The following ABI3BP variants were observed in gnomAD, a reference collection of about 807,000 sequenced individuals.
ABI3BP encodes the protein ABI family member 3 binding protein, also known as target of Nesh-SH3.
A neutral mutation model predicts 268.6 loss-of-function variants in ABI3BP; 216 were observed. That is an observed-to-expected ratio of 0.80 (90% CI 0.72 to 0.90). ABI3BP has a LOEUF of 0.90. Among genes scored for constraint, ABI3BP ranks in the 40% least tolerant of loss-of-function variants. The probability of loss-of-function intolerance (pLI) is 0.00; values close to 1 mark genes in which losing one functional copy is unlikely to be tolerated. For synonymous variants in ABI3BP, 730 were observed against 730.0 expected, an observed-to-expected ratio of 1.00 and a Z score of 0.00; for missense variants, 2,090 against 2,182.4, an observed-to-expected ratio of 0.96 and a Z score of 0.84.
chr3:100,778,489 A>G, intron 58 of ABI3BP, 113 bp from the exon 59 acceptor site: 1 of 854,366 alleles, frequency 1.2e-6, no homozygotes, highest in African/African-American at 1.7e-5. Flanking sequence ...TAGCAGTTGG[A>G]TGACAGAGAA....
At chr3:100,882,590 G>C (rs988240446) in intron 6 of ABI3BP, among the ~76,000 whole-genome samples, 61 of 151,962 alleles carry the variant, frequency 4.0e-4, no homozygotes, top group African/African-American at 9.7e-4. Flanking sequence ...CTGGAGTCAG[G>C]ATACTCCACC....
chr3:100,879,298 T>G (rs1227781944), intron 6 of ABI3BP, among the ~76,000 whole-genome samples: 1 of 152,208 alleles, frequency 6.6e-6, no homozygotes, highest in Non-Finnish European at 1.5e-5. Flanking sequence ...GAGAGCCACA[T>G]TATTTTTCTA....
rs182969842 is a variant in ABI3BP, at chr3:100,758,324, C to T, written c.4851-3633G>A. On this transcript the variant is annotated intron_variant, in intron 63 of 67. Coordinates refer to ENST00000471714, the MANE Select transcript of ABI3BP (RefSeq NM_001375547.2). ...ATTCGTTATAGTAATTATAACTTCACGGGGGCTATAAAAGCATCTGTGAGG... is the reference window on the plus strand; with the variant it reads ...ATTCGTTATAGTAATTATAACTTCATGGGGGCTATAAAAGCATCTGTGAGG... Among the ~76,000 whole-genome samples the T allele has an allele frequency of 1.2e-3, 185 of 152,184 alleles. 3 individuals are homozygous for T. The highest frequency in any genetic ancestry group is 6.2e-4 in the South Asian group (3 of 4,814).
At position 100,833,104 on chromosome 3, in the gene ABI3BP, A is replaced by G. The variant is rs914079808; in HGVS notation, c.2314+21T>C. On this transcript the variant is annotated intron_variant, in intron 30 of 67. Transcript: ENST00000471714. The stretch of plus-strand genomic sequence containing the variant: ...AATGAGTAAGAAAAAGGACTTGCTG[A>G]AGGACATAGAGAGTCATTACCTGAA... 23 of 1,530,958 alleles carry G rather than the reference A, an allele frequency of 1.5e-5. No homozygotes were observed. In the African/African-American group the frequency reaches 3.0e-4, roughly 20 times the overall value. The allele number at this position is 1,530,958 out of a possible 1,614,324, so 94.8% of individuals were successfully genotyped here. A position where few individuals can be genotyped will look rare whatever the true frequency, so the allele number is the denominator to read the frequency against.
At chr3:100,824,197 C>A (rs1180545469) in intron 36 of ABI3BP, among the ~76,000 whole-genome samples, 1 of 152,142 alleles carries the variant, frequency 6.6e-6, no homozygotes, top group Non-Finnish European at 1.5e-5. Context: ...TTGATGTACC[C>A]TTCCAAATGC....
At chr3:100,929,819 T>C (rs765892856) in intron 1 of ABI3BP, among the ~76,000 whole-genome samples, 4 of 152,076 alleles carry the variant, frequency 2.6e-5, no homozygotes, top group Non-Finnish European at 4.4e-5. Flanking sequence ...CCTACATGCC[T>C]TGACTTACTC....
chr3:100,986,477 T>C (rs2091799466), intron 1 of ABI3BP, among the ~76,000 whole-genome samples: 2 of 152,200 alleles, frequency 1.3e-5, no homozygotes. Flanking sequence ...ACATACTCTT[T>C]TTTTTTTGAA....
chr3:100,806,746 G>A (rs1393097747), intron 50 of ABI3BP, among the ~76,000 whole-genome samples: 2 of 152,012 alleles, frequency 1.3e-5, no homozygotes, highest in African/African-American at 4.8e-5. Flanking sequence ...GCCACTCCAT[G>A]GTTTCAGAGT....
chr3:100,813,826 G>T, intron 44 of ABI3BP, 91 bp from the exon 45 acceptor site: 1 of 1,099,074 alleles, frequency 9.1e-7, no homozygotes, highest in Non-Finnish European at 1.3e-6. Context: ...AAAATACACA[G>T]ACCCTGAAAA....
At chr3:100,885,609 T>C in intron 5 of ABI3BP, 21 bp from the exon 6 acceptor site, 1 of 1,468,506 alleles carries the variant, frequency 6.8e-7, no homozygotes, top group Non-Finnish European at 9.3e-7. Flanking sequence ...AAGGGAAAAA[T>C]AACATTATTT....
intron 2 of ABI3BP, chr3:100,912,077 C>T (rs1165364579): frequency 1.4e-6 from 1 of 697,218 alleles, no homozygotes; most frequent in Non-Finnish European, 2.6e-6. Context: ...TCATCTTTTA[C>T]TTCCTTAAGA....
intron 1 of ABI3BP, among the ~76,000 whole-genome samples, chr3:100,939,646 G>A (rs986116443): frequency 6.6e-6 from 1 of 152,072 alleles, no homozygotes; most frequent in Non-Finnish European, 1.5e-5. Context: ...CAAGGCAAAT[G>A]GAGGCAGGGC....
At position 100,787,672 on chromosome 3, in the gene ABI3BP, T is replaced by C. The variant is rs1264124490; in HGVS notation, c.4162+56A>G. On this transcript the variant is annotated intron_variant, in intron 57 of 67. Transcript: ENST00000471714. Reference sequence around the variant, plus strand: ...GTGAATTCAGCAATATCATGAAAATTAAATAACACTTATAGTTTTGACAGG... The same window carrying C: ...GTGAATTCAGCAATATCATGAAAATCAAATAACACTTATAGTTTTGACAGG... 3 of 1,355,256 alleles carry C rather than the reference T, an allele frequency of 2.2e-6. No individual in the cohort carries two copies. In the East Asian group the frequency reaches 7.7e-5, roughly 35 times the overall value. 84.0% of individuals were successfully genotyped at this position (1,355,256 alleles called of 1,614,324 possible). A position where few individuals can be genotyped will look rare whatever the true frequency, so the allele number is the denominator to read the frequency against.
chr3:100,794,892 C>G (rs1190695557), intron 54 of ABI3BP, 31 bp downstream of exon 54: 1 of 1,495,380 alleles, frequency 6.7e-7, no homozygotes, highest in Non-Finnish European at 9.1e-7. Context: ...AAGGCAAGCT[C>G]TCTTTGAACA....
At chr3:100,835,319 G>C (rs1487416128) in intron 28 of ABI3BP, among the ~76,000 whole-genome samples, 2 of 152,088 alleles carry the variant, frequency 1.3e-5, no homozygotes, top group Non-Finnish European at 2.9e-5. Flanking sequence ...TTTTAACATA[G>C]AACACTACTG....
intron 4 of ABI3BP, among the ~76,000 whole-genome samples, chr3:100,894,966 AACAG>A (rs2046925951): frequency 2.2e-5 from 3 of 138,614 alleles, no homozygotes; most frequent in East Asian, 2.0e-4. Context: ...AAAAAAAAAA[AACAG>A]AAAAAAAAAA....
At chr3:100,804,595 G>A (rs1008773647) in intron 51 of ABI3BP, among the ~76,000 whole-genome samples, 197 bp downstream of exon 51, 1 of 152,116 alleles carries the variant, frequency 6.6e-6, no homozygotes, top group Non-Finnish European at 1.5e-5. Context: ...TCTGCCTTTT[G>A]ACTGTGATCA....
chr3:100,839,701 T>A, intron 23 of ABI3BP, 85 bp from the exon 24 acceptor site: 1 of 1,348,288 alleles, frequency 7.4e-7, no homozygotes, highest in Non-Finnish European at 1.0e-6. Context: ...GCTGGGACAC[T>A]ACCTAAATGA....
chr3:100,883,993 G>T (rs1042687508), intron 6 of ABI3BP, among the ~76,000 whole-genome samples: 2 of 152,022 alleles, frequency 1.3e-5, no homozygotes, highest in Non-Finnish European at 2.9e-5. Context: ...TTGATGATAA[G>T]AAATATGTTC....
Sources: gnomAD v4.1 joint callset for allele counts (sites outside exome capture counted in the v4.1 genomes callset) on GRCh38, gnomAD v4.1.1 for gene constraint, MANE v1.5 for transcripts, NCBI Gene and HGNC (gene_info 2026-07-23, HGNC 2026-07-21) for gene names.